Variants in PSMD5 observed in about 807,000 individuals in gnomAD.
PSMD5 encodes the protein 26S proteasome non-ATPase regulatory subunit 5.
Under a neutral mutation model 52.1 loss-of-function variants are expected in PSMD5, and 40 were observed. The observed-to-expected ratio is 0.77, with a 90% confidence interval of 0.60 to 1.00. The LOEUF is 1.00. Among genes scored for constraint, PSMD5 ranks in the 50% least tolerant of loss-of-function variants. PSMD5 has a pLI of 0.00. For missense variants in PSMD5, 575 were observed against 605.2 expected, an observed-to-expected ratio of 0.95 and a Z score of 0.52; for synonymous variants, 211 against 226.6, an observed-to-expected ratio of 0.93 and a Z score of 0.62.
intron 1 of PSMD5, among the ~76,000 whole-genome samples, chr9:120,838,501 C>T (rs566634648): frequency 6.6e-6 from 1 of 152,208 alleles, no homozygotes; most frequent in Non-Finnish European, 1.5e-5. Flanking sequence ...TGAACCAACA[C>T]ACAACAACTT....
chr9:120,833,015 C>G (rs2045172010), intron 2 of PSMD5, among the ~76,000 whole-genome samples: 1 of 152,228 alleles, frequency 6.6e-6, no homozygotes, highest in Non-Finnish European at 1.5e-5. Flanking sequence ...GTAACTCTAA[C>G]AGCATATGGC....
chr9:120,836,200 CAT>C (rs1338708693), intron 1 of PSMD5, among the ~76,000 whole-genome samples: 1 of 152,198 alleles, frequency 6.6e-6, no homozygotes, highest in African/African-American at 2.4e-5. Flanking sequence ...AATATCCCAT[CAT>C]ATGTATATAC....
Position 120,842,788 on chromosome 9 carries a change from G to T in PSMD5, c.122C>A (p.Ala41Glu). The change falls in exon 1 of 10, where the codon GCG becomes GAG. Residue 41 changes from alanine (A) to glutamate (E), a missense_variant. By Grantham distance (107) the Ala-to-Glu change is moderately radical (BLOSUM62 -1). Transcript: ENST00000210313. ...GAGCGGGCCGAGGCGCAGCTCCGCC[G>T]CTTGCTGGCGAAGCTCGTTGAGCGG... ...AVPLNELRQQ[A>E]AELRLGPLFS... 6.2e-7 allele frequency: 1 copy of T among 1,612,858 alleles called. No individual in the cohort carries two copies. The highest frequency in any genetic ancestry group is 8.5e-7 in the Non-Finnish European group (1 of 1,179,956).
intron 1 of PSMD5, 46 bp downstream of exon 1, chr9:120,842,691 T>G (rs1487493650): frequency 1.2e-6 from 2 of 1,606,060 alleles, no homozygotes; most frequent in Non-Finnish European, 1.7e-6. Context: ...ATGTCCATAT[T>G]TAGGGGTGCC....
chr9:120,826,779 C>G lies in PSMD5; in HGVS notation c.800G>C (p.Ser267Thr). The G allele has an allele frequency of 2.5e-6, 4 of 1,613,600 alleles. No homozygotes were observed. Among genetic ancestry groups the G allele is most frequent in the Non-Finnish European group, 3.4e-6 (4 of 1,179,728 alleles). Residue 267 changes from serine to threonine, a missense_variant, in exon 6 of 10, where the codon AGC becomes ACC. Coordinates refer to ENST00000210313, the MANE Select transcript of PSMD5 (RefSeq NM_005047.4). Reference protein sequence around the residue: ...IVGADSDPFSSFYLPGFVKFF... With the variant: ...IVGADSDPFSTFYLPGFVKFF... ...GTGTTCCTTACCTGGCAGATAGAAG[C>G]TAGAGAAAGGGTCTGAATCTGCCCC...
At chr9:120,842,655 C>A in intron 1 of PSMD5, 82 bp downstream of exon 1, 1 of 1,520,598 alleles carries the variant, frequency 6.6e-7, no homozygotes, top group Non-Finnish European at 8.9e-7. Context: ...CTGGGAAAAG[C>A]GCTGTTCTTG....
intron 1 of PSMD5, among the ~76,000 whole-genome samples, chr9:120,835,834 CT>C (rs34482665): frequency 0.13 from 19,996 of 151,718 alleles, 1,426 homozygotes; most frequent in Middle Eastern, 0.17. Context: ...TTTTCTTTTC[CT>C]TTTAAAAAAA....
At position 120,833,466 on chromosome 9, in the gene PSMD5, A is replaced by C; in HGVS notation, c.174-10T>G. The stretch of plus-strand genomic sequence containing the variant: ...CAAAGTAGTCTTTTCCCTGAAGGAG[A>C]CATCATAAATCTTATTAGTTCATAT... On this transcript the variant is annotated splice_polypyrimidine_tract_variant and intron_variant, in intron 1 of 9. Coordinates refer to ENST00000210313, the MANE Select transcript of PSMD5 (RefSeq NM_005047.4). 1 of 1,611,518 alleles carries C rather than the reference A, an allele frequency of 6.2e-7. No individual in the cohort carries two copies. Among genetic ancestry groups the C allele is most frequent in the South Asian group, 1.1e-5 (1 of 90,876 alleles).
Position 120,842,912 on chromosome 9 carries a change from T to C in PSMD5, c.-3A>G, listed in dbSNP as rs775132992. On this transcript the variant is annotated 5_prime_UTR_variant, in exon 1 of 10. Transcript: ENST00000210313. ...AGCGCCAAAGCCTGGGCTGCCATCTTGCCCCCCGACGCAGGGGCTGGCCCA... is the reference window on the plus strand; with the variant it reads ...AGCGCCAAAGCCTGGGCTGCCATCTCGCCCCCCGACGCAGGGGCTGGCCCA... 6 of 1,577,648 alleles carry C rather than the reference T, an allele frequency of 3.8e-6. No homozygotes were observed. The highest frequency in any genetic ancestry group is 4.3e-6 in the Non-Finnish European group (5 of 1,167,816).
intron 4 of PSMD5, 46 bp downstream of exon 4, chr9:120,831,285 C>T: frequency 6.5e-7 from 1 of 1,528,622 alleles, no homozygotes; most frequent in Non-Finnish European, 8.8e-7. Flanking sequence ...ATAAGCCAAA[C>T]TGCATTCTGC....
intron 1 of PSMD5, among the ~76,000 whole-genome samples, chr9:120,840,126 CAA>C (rs748840129): frequency 1.2e-3 from 47 of 39,134 alleles, no homozygotes; most frequent in African/African-American, 4.3e-3. Context: ...GAACCCGTCT[CAA>C]AAAAAAAAAA....
Position 120,826,828 on chromosome 9 carries a change from C to T in PSMD5, c.751G>A (p.Asp251Asn). Residue 251 changes from aspartate (D) to asparagine (N), a missense_variant, in exon 6 of 10, where the codon GAC (aspartate) becomes AAC (asparagine). Physicochemically the swap from Asp to Asn is conservative, Grantham distance 23. Coordinates refer to ENST00000210313, the MANE Select transcript of PSMD5 (RefSeq NM_005047.4). ...CCAACAATTATATTAGAAATTTGGTCAATTACTCCTTCTTGAGCAAGATAT... is the reference window on the plus strand; with the variant it reads ...CCAACAATTATATTAGAAATTTGGTTAATTACTCCTTCTTGAGCAAGATAT... ...RQYLAQEGVI[D>N]QISNIIVGAD... 1 of 1,613,456 alleles carries T rather than the reference C, an allele frequency of 6.2e-7. No individual in the cohort carries two copies.
chr9:120,840,765 A>G (rs1177969340), intron 1 of PSMD5, among the ~76,000 whole-genome samples: 2 of 151,900 alleles, frequency 1.3e-5, no homozygotes, highest in African/African-American at 4.8e-5. Context: ...GACTACAGGC[A>G]CGTGCCACCA....
chr9:120,840,622 T>TC (rs1323367404), intron 1 of PSMD5, among the ~76,000 whole-genome samples: 2 of 146,564 alleles, frequency 1.4e-5, no homozygotes, highest in Non-Finnish European at 3.0e-5. Context: ...ATTTTTGCTT[T>TC]TTTTTTTTTT....
At chr9:120,833,804 G>A (rs906527864) in intron 1 of PSMD5, among the ~76,000 whole-genome samples, 3 of 145,322 alleles carry the variant, frequency 2.1e-5, no homozygotes, top group African/African-American at 2.6e-5. Context: ...TCAGCCTCCC[G>A]AGTAGCTGGG....
chr9:120,824,461 A>C, intron 7 of PSMD5, 33 bp downstream of exon 7: 2 of 1,602,184 alleles, frequency 1.2e-6, no homozygotes, highest in Non-Finnish European at 1.7e-6. Context: ...TCAAAGATTA[A>C]GATATCCCTG....
rs2045110944 is a variant in PSMD5 at position 120,824,698 on chromosome 9, A to G, written c.815-13T>C. ...AACTTCACGAATCCTAAAGAGATTTACAAAAATATATTTTAATAGGGGAAC... is the reference window on the plus strand; with the variant it reads ...AACTTCACGAATCCTAAAGAGATTTGCAAAAATATATTTTAATAGGGGAAC... On this transcript the variant is annotated splice_polypyrimidine_tract_variant and intron_variant, in intron 6 of 9. Coordinates refer to ENST00000210313, the MANE Select transcript of PSMD5 (RefSeq NM_005047.4). 6.3e-7 allele frequency: 1 copy of G among 1,579,876 alleles called. No individual in the cohort carries two copies. The highest frequency in any genetic ancestry group is 8.6e-7 in the Non-Finnish European group (1 of 1,165,548).
Position 120,831,454 on chromosome 9 carries a change from G to T in PSMD5, c.438C>A (p.Ile146=). The T allele has an allele frequency of 6.2e-7, 1 of 1,606,632 alleles. No homozygotes were observed. The highest frequency in any genetic ancestry group is 1.1e-5 in the South Asian group (1 of 89,666). The change falls in exon 4 of 10, where the codon ATC becomes ATA. Residue 146 remains isoleucine, a synonymous_variant. Transcript: ENST00000210313. ...TTAGTGATATTCTTGACAGGGATTT[G>T]ATAGCCTTATAACGAAAGAAAATAT... ...GENLSVAKAA[I]KSLSRISLTQ... is the part of the protein sequence containing the mutation.
intron 7 of PSMD5, among the ~76,000 whole-genome samples, chr9:120,821,826 T>A (rs1400240247): frequency 6.6e-6 from 1 of 152,242 alleles, no homozygotes; most frequent in African/African-American, 2.4e-5. Context: ...TCCTCCATGC[T>A]GTAGCATGTG....
Sources: gnomAD v4.1 joint callset for allele counts (sites outside exome capture counted in the v4.1 genomes callset) on GRCh38, gnomAD v4.1.1 for gene constraint, MANE v1.5 for transcripts, NCBI Gene and HGNC (gene_info 2026-07-23, HGNC 2026-07-21) for gene names.